The following AKAP13 variants were observed in gnomAD, a reference collection of about 807,000 sequenced individuals.
The protein encoded by AKAP13 is A-kinase anchoring protein 13.
Under a neutral mutation model 264.5 loss-of-function variants are expected in AKAP13, and 80 were observed. That is an observed-to-expected ratio of 0.30 (90% CI 0.25 to 0.36). The LOEUF is 0.36. Ranked by LOEUF, AKAP13 falls within the 10% of genes least tolerant of loss-of-function variation. AKAP13 has a pLI of 1.00. For synonymous variants in AKAP13, 1,380 were observed against 1,250.2 expected (o/e 1.10, Z -2.19); for missense variants, 3,712 against 3,435.2 (o/e 1.08, Z -2.01).
chr15:85,523,360 A>G (rs990761058), intron 3 of AKAP13, among the ~76,000 whole-genome samples: 1 of 152,138 alleles, frequency 6.6e-6, no homozygotes, highest in African/African-American at 2.4e-5. Flanking sequence ...AACATGGGGT[A>G]AATTCTTTAG....
At chr15:85,699,969 TGG>T (rs2085815481) in intron 17 of AKAP13, among the ~76,000 whole-genome samples, 1 of 152,218 alleles carries the variant, frequency 6.6e-6, no homozygotes. Context: ...TAAGAACCGT[TGG>T]CTTATGGTTA....
At position 85,486,284 on chromosome 15, in the gene AKAP13, C is replaced by CT. The variant is rs540373027; in HGVS notation, c.33+541dup. 5.0e-4 allele frequency among the ~76,000 whole-genome samples: 74 copies of CT among 146,568 alleles called. 1 individual carries two copies. Among genetic ancestry groups the CT allele is most frequent in the East Asian group, 3.9e-3 (20 of 5,064 alleles). ...CAGTTTTGATAATGTTTTGTTGTTG[C>CT]TTTTTTTTTTGGCATCATATCTAAG... On this transcript the variant is annotated intron_variant, in intron 2 of 36. Coordinates refer to ENST00000394518, the MANE Select transcript of AKAP13 (RefSeq NM_007200.5).
At chr15:85,661,754 G>T (rs916548217) in intron 12 of AKAP13, among the ~76,000 whole-genome samples, 1 of 152,116 alleles carries the variant, frequency 6.6e-6, no homozygotes, top group African/African-American at 2.4e-5. Context: ...TAAAACATAA[G>T]CAAATATATA....
At chr15:85,399,671 C>T (rs1486391131) in intron 1 of AKAP13, among the ~76,000 whole-genome samples, 1 of 151,890 alleles carries the variant, frequency 6.6e-6, no homozygotes, top group Non-Finnish European at 1.5e-5. Flanking sequence ...CACGAAGCAT[C>T]GTTACTGTCC....
intron 5 of AKAP13, 151 bp from the exon 6 acceptor site, chr15:85,574,980 T>A (rs1295637987): frequency 3.1e-6 from 2 of 651,028 alleles, no homozygotes; most frequent in Non-Finnish European, 5.3e-6. Context: ...ATTGGTTATA[T>A]GCCTGAATCA....
At chr15:85,520,263 A>T (rs1451814119) in intron 2 of AKAP13, among the ~76,000 whole-genome samples, 1 of 152,094 alleles carries the variant, frequency 6.6e-6, no homozygotes, top group Non-Finnish European at 1.5e-5. Context: ...TGGGAGGCTG[A>T]GACGGGTGGA....
At chr15:85,408,761 A>G (rs1470783140) in intron 1 of AKAP13, among the ~76,000 whole-genome samples, 1 of 151,990 alleles carries the variant, frequency 6.6e-6, no homozygotes, top group East Asian at 1.9e-4. Context: ...CATATGGGTT[A>G]TTGTGAATAA....
In AKAP13 at chr15:85,669,595, G is replaced by T. The variant is rs553328085; in HGVS notation, c.4993-127G>T. 124 of 601,834 alleles carry T rather than the reference G, an allele frequency of 2.1e-4. No homozygotes were observed. The East Asian group carries it at 3.9e-3, about 19-fold the overall frequency. 37.3% of individuals were successfully genotyped at this position (601,834 alleles called of 1,614,324 possible). On this transcript the variant is annotated intron_variant, in intron 13 of 36. Coordinates refer to ENST00000394518, the MANE Select transcript of AKAP13 (RefSeq NM_007200.5). ...TAACCTAAGTCTGTCTGACCACAAG[G>T]CCTGTGCTCTCACCCGCTTCTTCAC...
chr15:85,626,213 A>G (rs1166179723), intron 8 of AKAP13, among the ~76,000 whole-genome samples: 13 of 152,248 alleles, frequency 8.5e-5, no homozygotes, highest in Non-Finnish European at 1.5e-5. Context: ...AAGCTTGCAT[A>G]TCTCTAACTG....
At chr15:85,681,410 A>G (rs1346038421) in intron 14 of AKAP13, among the ~76,000 whole-genome samples, 2 of 152,194 alleles carry the variant, frequency 1.3e-5, no homozygotes, top group Non-Finnish European at 2.9e-5. Flanking sequence ...GATAAAAATA[A>G]TAATATTCCT....
At chr15:85,736,899 G>A (rs971308364) in intron 33 of AKAP13, among the ~76,000 whole-genome samples, 1 of 136,280 alleles carries the variant, frequency 7.3e-6, no homozygotes, top group Non-Finnish European at 1.5e-5. Context: ...AAGTACTCAA[G>A]TTATATCATC....
intron 8 of AKAP13, among the ~76,000 whole-genome samples, chr15:85,613,691 A>AATATATATATATATAT (rs751538813): frequency 1.1e-5 from 1 of 91,966 alleles, no homozygotes; most frequent in African/African-American, 4.6e-5. Flanking sequence ...AAAAAAAAAA[A>AATATATATATATATAT]ATATATATAT....
At chr15:85,688,058 G>A (rs1215306632) in intron 16 of AKAP13, among the ~76,000 whole-genome samples, 1 of 151,282 alleles carries the variant, frequency 6.6e-6, no homozygotes, top group African/African-American at 2.4e-5. Context: ...AAGAGAGAGA[G>A]AGGAAAGAAA....
intron 16 of AKAP13, among the ~76,000 whole-genome samples, chr15:85,687,584 T>G (rs1174426672): frequency 6.6e-6 from 1 of 152,186 alleles, no homozygotes; most frequent in Non-Finnish European, 1.5e-5. Context: ...ACTCAAAAAA[T>G]TACAAATTTG....
rs1444946813 is a variant in AKAP13 at position 85,746,668 on chromosome 15, G to A, written c.*1991G>A. The A allele has an allele frequency of 6.7e-6, 1 of 148,334 alleles. No individual in the cohort carries two copies. Among genetic ancestry groups the A allele is most frequent in the Admixed American group, 6.7e-5 (1 of 14,984 alleles). 9.2% of individuals were successfully genotyped at this position (148,334 alleles called of 1,614,324 possible). A position where few individuals can be genotyped will look rare whatever the true frequency, so the allele number is the denominator to read the frequency against. On this transcript the variant is annotated 3_prime_UTR_variant, in exon 37 of 37. Transcript: ENST00000394518. ...GCAAAGACCCTAAACAAAAAGTTAA[G>A]TTTCTTTCTTTCACCTATTTGTACA...
At position 85,736,094 on chromosome 15, in the gene AKAP13, G is replaced by T. The variant is rs1308597237; in HGVS notation, c.7517G>T (p.Gly2506Val). The change falls in exon 33 of 37, where the codon GGA becomes GTA. Residue 2506 changes from glycine (G) to valine (V), a missense_variant. This residue lies in a region of AKAP13 where 611 missense variants were observed against 539.3 expected (regional missense o/e 1.13). Coordinates refer to ENST00000394518, the MANE Select transcript of AKAP13 (RefSeq NM_007200.5). ...TESDSGLKKGGNANLVFMLKR... is the reference protein window; with the variant it reads ...TESDSGLKKGVNANLVFMLKR... The stretch of plus-strand genomic sequence containing the variant: ...TGTATGTTTTTTGTTTTATAGGGTG[G>T]AAATGCTAACCTGGTATTTATGCTT... 6.2e-7 allele frequency: 1 copy of T among 1,605,836 alleles called. No homozygotes were observed. The highest frequency in any genetic ancestry group is 2.2e-5 in the East Asian group (1 of 44,824).
At chr15:85,423,532 C>A (rs941966057) in intron 1 of AKAP13, among the ~76,000 whole-genome samples, 2 of 152,266 alleles carry the variant, frequency 1.3e-5, no homozygotes, top group Non-Finnish European at 2.9e-5. Context: ...TCAGGCTCCA[C>A]TTCCAATTCT....
intron 19 of AKAP13, among the ~76,000 whole-genome samples, chr15:85,712,084 T>G (rs921779185): frequency 6.6e-6 from 1 of 152,212 alleles, no homozygotes; most frequent in Non-Finnish European, 1.5e-5. Flanking sequence ...TCCTCATGCC[T>G]TGGCCTCCCA....
At chr15:85,543,506 A>T (rs1227021164) in intron 4 of AKAP13, among the ~76,000 whole-genome samples, 1 of 152,208 alleles carries the variant, frequency 6.6e-6, no homozygotes, top group Non-Finnish European at 1.5e-5. Context: ...CAGAATATAG[A>T]AATGTCCTGA....
Sources: gnomAD v4.1 joint callset for allele counts (sites outside exome capture counted in the v4.1 genomes callset) on GRCh38, gnomAD v4.1.1 for gene constraint, gnomAD v4.1.1 regional missense constraint, MANE v1.5 for transcripts, NCBI Gene and HGNC (gene_info 2026-07-23, HGNC 2026-07-21) for gene names.